Variants in MAP3K8 observed in about 807,000 individuals in gnomAD.
The protein encoded by MAP3K8 is mitogen-activated protein kinase kinase kinase 8, also known as Ewing sarcoma transformant.
A neutral mutation model predicts 45.8 loss-of-function variants in MAP3K8; 22 were observed. The ratio of observed to expected loss-of-function variants is 0.48; its 90% CI spans 0.34 to 0.69. The LOEUF (loss-of-function observed/expected upper bound fraction) is 0.69, where lower values mean the gene tolerates loss of function less well. Among genes scored for constraint, MAP3K8 ranks in the 30% least tolerant of loss-of-function variants. The pLI is 0.01. For synonymous variants in MAP3K8, 223 were observed against 214.3 expected (o/e 1.04, Z -0.36); for missense variants, 419 against 585.0 (o/e 0.72, Z 2.93).
intron 6 of MAP3K8, among the ~76,000 whole-genome samples, chr10:30,452,902 C>T (rs1836601222): frequency 6.6e-6 from 1 of 151,490 alleles, no homozygotes; most frequent in South Asian, 2.1e-4. Flanking sequence ...TGGTCATGAA[C>T]TGTTGGCCTC....
At chr10:30,455,914 G>A (rs1287584465) in intron 6 of MAP3K8, among the ~76,000 whole-genome samples, 1 of 152,182 alleles carries the variant, frequency 6.6e-6, no homozygotes, top group East Asian at 1.9e-4. Context: ...GGTAGAGCTT[G>A]AGGAACAAGA....
intron 6 of MAP3K8, among the ~76,000 whole-genome samples, chr10:30,455,746 G>A (rs1352999418): frequency 6.6e-6 from 1 of 152,226 alleles, no homozygotes; most frequent in East Asian, 1.9e-4. Flanking sequence ...GGGTTCGATC[G>A]CTGACATCAA....
chr10:30,451,599 TA>T (rs1356919636), intron 5 of MAP3K8, 38 bp from the exon 6 acceptor site: 6 of 1,183,850 alleles, frequency 5.1e-6, no homozygotes, highest in African/African-American at 4.6e-5. Context: ...TATGGGTATA[TA>T]AAAAATTTTA....
At chr10:30,454,858 G>A (rs1836684594) in intron 6 of MAP3K8, among the ~76,000 whole-genome samples, 1 of 151,874 alleles carries the variant, frequency 6.6e-6, no homozygotes, top group African/African-American at 2.4e-5. Flanking sequence ...TTTGGAAAAT[G>A]TTTCAGCATA....
intron 8 of MAP3K8, among the ~76,000 whole-genome samples, chr10:30,459,977 G>C (rs8177032): frequency 0.015 from 2,323 of 152,124 alleles, 58 homozygotes; most frequent in African/African-American, 0.051. Flanking sequence ...TGAGTAGCTG[G>C]GATTACAGGT....
chr10:30,452,330 G>A (rs1470703374), intron 6 of MAP3K8, among the ~76,000 whole-genome samples: 3 of 151,894 alleles, frequency 2.0e-5, no homozygotes, highest in East Asian at 1.9e-4. Context: ...TTAACCAGGC[G>A]TGGTGGCGGG....
At chr10:30,457,940 G>A (rs956053427) in intron 6 of MAP3K8, 144 bp from the exon 7 acceptor site, 4 of 618,542 alleles carry the variant, frequency 6.5e-6, no homozygotes, top group Admixed American at 4.2e-5. Context: ...GACACCTCCA[G>A]CAATTGCTGC....
intron 6 of MAP3K8, among the ~76,000 whole-genome samples, chr10:30,456,765 C>T (rs902539462): frequency 3.9e-5 from 6 of 152,140 alleles, no homozygotes; most frequent in African/African-American, 1.4e-4. Context: ...TCTCAAACTC[C>T]TGGGCTCAAG....
chr10:30,459,422 T>C lies in MAP3K8; in HGVS notation c.1194T>C (p.Cys398=). The part of the protein sequence containing the change: ...LNPPREDQPR[C]QSLDSALLER... ...CGCCCAGAGAGGATCAGCCACGCTG[T>C]CAGAGTCTGGACTCTGCCCTCTTGG... The change falls in exon 8 of 9, where the codon TGT becomes TGC. Residue 398 remains cysteine, a synonymous_variant. Coordinates refer to ENST00000263056, the MANE Select transcript of MAP3K8 (RefSeq NM_005204.4). The C allele has an allele frequency of 1.2e-6, 2 of 1,614,112 alleles. No homozygotes were observed. The highest frequency in any genetic ancestry group is 8.5e-7 in the Non-Finnish European group (1 of 1,179,994).
In MAP3K8 at chr10:30,437,357, G is replaced by A; in HGVS notation, c.-73G>A. The A allele has an allele frequency of 1.0e-6, 1 of 967,262 alleles. No individual in the cohort carries two copies. Among genetic ancestry groups the A allele is most frequent in the Non-Finnish European group, 1.2e-6 (1 of 813,300 alleles). 59.9% of individuals were successfully genotyped at this position (967,262 alleles called of 1,614,324 possible). A position where few individuals can be genotyped will look rare whatever the true frequency, so the allele number is the denominator to read the frequency against. On this transcript the variant is annotated 5_prime_UTR_variant, in exon 2 of 9. An upstream open reading frame in the 5' UTR loses its in-frame stop. Coordinates refer to ENST00000263056, the MANE Select transcript of MAP3K8 (RefSeq NM_005204.4). ...TTTACCATGCCCCTGACACTGCACT[G>A]AGCACTTTATGAGCTTGAACTCTGT...
At chr10:30,460,418 A>G (rs907356152) in intron 8 of MAP3K8, among the ~76,000 whole-genome samples, 1 of 152,156 alleles carries the variant, frequency 6.6e-6, no homozygotes, top group African/African-American at 2.4e-5. Flanking sequence ...GCGCTTGTTT[A>G]TATTTCTTTG....
intron 3 of MAP3K8, among the ~76,000 whole-genome samples, chr10:30,445,626 C>T (rs1297119921): frequency 6.6e-6 from 1 of 152,070 alleles, no homozygotes; most frequent in Admixed American, 6.6e-5. Flanking sequence ...GGGACTAAAT[C>T]TATCATGTTC....
rs768122949 is a variant in MAP3K8, at chr10:30,451,626, C to T, written c.767-12C>T. ...AAAAATTTTATCTTAAAAATATTTC[C>T]TCTCATTTTAGCTAGCAACATTGTT... On this transcript the variant is annotated splice_polypyrimidine_tract_variant and intron_variant, in intron 5 of 8. Transcript: ENST00000263056. The T allele has an allele frequency of 1.2e-5, 18 of 1,493,464 alleles. No homozygotes were observed. In the South Asian group the frequency reaches 1.3e-4, roughly 11 times the overall value. 92.5% of individuals were successfully genotyped at this position (1,493,464 alleles called of 1,614,324 possible).
intron 3 of MAP3K8, among the ~76,000 whole-genome samples, chr10:30,440,739 A>C (rs1433894059): frequency 1.3e-5 from 2 of 152,228 alleles, no homozygotes; most frequent in Admixed American, 1.3e-4. Context: ...CTATACCGAG[A>C]AATATAATTG....
At chr10:30,452,465 A>G (rs1790534465) in intron 6 of MAP3K8, among the ~76,000 whole-genome samples, 1 of 151,120 alleles carries the variant, frequency 6.6e-6, no homozygotes, top group African/African-American at 2.4e-5. Context: ...GTGAAACTCC[A>G]TCTCAAAAAA....
At chr10:30,448,094 G>A in intron 4 of MAP3K8, 145 bp downstream of exon 4, 1 of 695,880 alleles carries the variant, frequency 1.4e-6, no homozygotes, top group Non-Finnish European at 2.3e-6. Context: ...TTGTTTTTCT[G>A]AATTTATTGG....
At chr10:30,444,417 C>A (rs565941000) in intron 3 of MAP3K8, among the ~76,000 whole-genome samples, 241 of 151,828 alleles carry the variant, frequency 1.6e-3, no homozygotes, top group African/African-American at 5.6e-3. Context: ...GAGCTGAGAT[C>A]GCCCCATTGC....
intron 3 of MAP3K8, among the ~76,000 whole-genome samples, chr10:30,442,156 CTGGTGCAT>C (rs1362176751): frequency 6.6e-6 from 1 of 152,188 alleles, no homozygotes; most frequent in Non-Finnish European, 1.5e-5. Context: ...AGCTTGCTGC[CTGGTGCAT>C]GCAGGATGCA....
chr10:30,459,745 C>A (rs1422904263), intron 8 of MAP3K8, among the ~76,000 whole-genome samples: 1 of 152,100 alleles, frequency 6.6e-6, no homozygotes, highest in African/African-American at 2.4e-5. Context: ...CTGGAAAATG[C>A]TTCTGACTTG....
Sources: gnomAD v4.1 joint callset for allele counts (sites outside exome capture counted in the v4.1 genomes callset) on GRCh38, gnomAD v4.1.1 for gene constraint, MANE v1.5 for transcripts, NCBI Gene and HGNC (gene_info 2026-07-23, HGNC 2026-07-21) for gene names.